ADAMTSL3: variants seen among roughly 807,000 people sequenced by gnomAD.
The protein encoded by ADAMTSL3 is ADAMTS-like protein 3.
A neutral mutation model predicts 201.7 loss-of-function variants in ADAMTSL3; 128 were observed. That is an observed-to-expected ratio of 0.63 (90% CI 0.55 to 0.73). The LOEUF is 0.73. ADAMTSL3 is among the 30% of genes least tolerant of loss of function. ADAMTSL3 has a pLI of 0.00. For synonymous variants in ADAMTSL3, 738 were observed against 748.4 expected, an observed-to-expected ratio of 0.99 and a Z score of 0.23; for missense variants, 1,990 against 2,119.6, an observed-to-expected ratio of 0.94 and a Z score of 1.20.
chr15:83,933,048 A>G (rs1157273660), intron 17 of ADAMTSL3, among the ~76,000 whole-genome samples: 5 of 152,244 alleles, frequency 3.3e-5, no homozygotes, highest in African/African-American at 9.6e-5. Flanking sequence ...GAAACTTTCT[A>G]TTTGGTCAAA....
chr15:83,850,523 T>C lies in ADAMTSL3; in HGVS notation c.728-8243T>C, dbSNP rs924377263. Among the ~76,000 whole-genome samples, 63 of 150,414 alleles carry C rather than the reference T, an allele frequency of 4.2e-4. 1 individual carries two copies. Among genetic ancestry groups the C allele is most frequent in the Admixed American group, 2.7e-3 (41 of 15,042 alleles). On this transcript the variant is annotated intron_variant, in intron 7 of 29. Transcript: ENST00000286744. ...TATAAAAATATTTTTAAATTATATA[T>C]ATATATAGAACACTCTTTTAATCAC...
At chr15:83,947,552 C>T (rs1385903392) in intron 19 of ADAMTSL3, among the ~76,000 whole-genome samples, 1 of 152,218 alleles carries the variant, frequency 6.6e-6, no homozygotes, top group Non-Finnish European at 1.5e-5. Context: ...CCCTTGTAGC[C>T]TGTTTTGTGT....
At chr15:83,818,040 A>C (rs551802408) in intron 5 of ADAMTSL3, among the ~76,000 whole-genome samples, 2 of 152,304 alleles carry the variant, frequency 1.3e-5, no homozygotes, top group African/African-American at 4.8e-5. Flanking sequence ...AAAACAATGA[A>C]GTTATATTTT....
chr15:83,795,275 A>G (rs1362325423), intron 4 of ADAMTSL3, among the ~76,000 whole-genome samples: 2 of 152,098 alleles, frequency 1.3e-5, no homozygotes, highest in African/African-American at 4.8e-5. Context: ...AACAACAACA[A>G]CAACAACAAC....
intron 9 of ADAMTSL3, among the ~76,000 whole-genome samples, chr15:83,880,598 C>T (rs1396654282): frequency 6.6e-6 from 1 of 152,174 alleles, no homozygotes; most frequent in Non-Finnish European, 1.5e-5. Context: ...TAAATTATTG[C>T]ATCTTTTATT....
At position 83,890,020 on chromosome 15, in the gene ADAMTSL3, GA is replaced by G. The variant is rs566486880; in HGVS notation, c.1073-79del. The G allele has an allele frequency of 4.2e-3, 5,333 of 1,268,674 alleles. 7 individuals carry two copies. The highest frequency in any genetic ancestry group is 0.018 in the African/African-American group (1,199 of 65,024). 78.6% of individuals were successfully genotyped at this position (1,268,674 alleles called of 1,614,324 possible). A position where few individuals can be genotyped will look rare whatever the true frequency, so the allele number is the denominator to read the frequency against. The stretch of plus-strand genomic sequence containing the variant: ...CCACTGAGTTAAGTTTCTTAAAGAG[GA>G]AAAAAAAAAGTGTGTGGCAAGTGAT... On this transcript the variant is annotated intron_variant, in intron 10 of 29. Coordinates refer to ENST00000286744, the MANE Select transcript of ADAMTSL3 (RefSeq NM_207517.3).
chr15:83,808,508 G>A (rs1172751018), intron 5 of ADAMTSL3, among the ~76,000 whole-genome samples: 1 of 152,170 alleles, frequency 6.6e-6, no homozygotes, highest in Non-Finnish European at 1.5e-5. Flanking sequence ...GGAGAAAAGG[G>A]AACCCTTATT....
chr15:83,862,557 A>G (rs1413089593), intron 8 of ADAMTSL3: 4 of 152,242 alleles, frequency 2.6e-5, no homozygotes, highest in Non-Finnish European at 4.4e-5. Context: ...TCCTTTACAG[A>G]TAAGCAAATG....
At position 84,014,668 on chromosome 15, in the gene ADAMTSL3, G is replaced by A. The variant is rs189778163; in HGVS notation, c.4100G>A (p.Cys1367Tyr). The A allele has an allele frequency of 6.2e-6, 10 of 1,610,748 alleles. No individual in the cohort carries two copies. In the East Asian group the frequency reaches 2.2e-4, roughly 36 times the overall value. The change falls in exon 24 of 30, where the codon TGC becomes TAC. Residue 1367 changes from cysteine to tyrosine, a missense_variant. By Grantham distance (194) the Cys-to-Tyr change is radical (BLOSUM62 -2). Coordinates refer to ENST00000286744, the MANE Select transcript of ADAMTSL3 (RefSeq NM_207517.3). ...VSLENEGTYV[C>Y]IATNALGKAV... ...CTTGAAAATGAAGGAACCTACGTCT[G>A]CATAGCCACCAATGCTCTTGGAAAG...
chr15:83,919,434 G>A (rs560001632), intron 16 of ADAMTSL3, among the ~76,000 whole-genome samples: 29 of 152,236 alleles, frequency 1.9e-4, no homozygotes, highest in African/African-American at 6.5e-4. Context: ...ATGCAGAGGC[G>A]GAGAGGTGAG....
chr15:83,996,835 C>T (rs2141849262), intron 23 of ADAMTSL3, among the ~76,000 whole-genome samples: 1 of 141,288 alleles, frequency 7.1e-6, no homozygotes, highest in East Asian at 2.1e-4. Flanking sequence ...AGGCAATTGT[C>T]AGAAAGTGAA....
chr15:83,873,588 A>C lies in ADAMTSL3; in HGVS notation c.960+2629A>C, dbSNP rs1247307555. ...GAGACAGAGTCTCACTATGTTACCC[A>C]GGCTGGCCTTGAACTCCTGGGCTCA... On this transcript the variant is annotated intron_variant, in intron 9 of 29. Coordinates refer to ENST00000286744, the MANE Select transcript of ADAMTSL3 (RefSeq NM_207517.3). Among the ~76,000 whole-genome samples the C allele has an allele frequency of 5.5e-5, 8 of 144,426 alleles. 2 individuals carry two copies. Among genetic ancestry groups the C allele is most frequent in the Non-Finnish European group, 1.2e-4 (8 of 66,568 alleles). The allele number at this position is 144,426 out of a possible 152,430, so 94.7% of individuals were successfully genotyped here. A position where few individuals can be genotyped will look rare whatever the true frequency, so the allele number is the denominator to read the frequency against.
At chr15:83,993,068 C>G (rs1164602522) in intron 23 of ADAMTSL3, among the ~76,000 whole-genome samples, 1 of 152,248 alleles carries the variant, frequency 6.6e-6, no homozygotes, top group Admixed American at 6.5e-5. Flanking sequence ...AAATGCACCA[C>G]AATCATTTTG....
chr15:84,034,821 G>C (rs913614565), intron 28 of ADAMTSL3, among the ~76,000 whole-genome samples: 12 of 152,136 alleles, frequency 7.9e-5, no homozygotes. Flanking sequence ...GAGCCAGACT[G>C]AATAGAAGTG....
At chr15:83,822,584 A>T (rs980786559) in intron 6 of ADAMTSL3, among the ~76,000 whole-genome samples, 6 of 144,518 alleles carry the variant, frequency 4.2e-5, no homozygotes, top group Non-Finnish European at 9.0e-5. Flanking sequence ...CGCTCCCCAC[A>T]TCTCAGACGA....
intron 3 of ADAMTSL3, among the ~76,000 whole-genome samples, chr15:83,715,272 C>T (rs2062001592): frequency 6.6e-6 from 1 of 152,154 alleles, no homozygotes; most frequent in Non-Finnish European, 1.5e-5. Flanking sequence ...ATTGCCTCTT[C>T]CAGGAAACCA....
intron 4 of ADAMTSL3, among the ~76,000 whole-genome samples, chr15:83,793,579 C>T (rs1334333476): frequency 2.0e-5 from 3 of 152,014 alleles, no homozygotes; most frequent in Admixed American, 6.6e-5. Context: ...CAGGTTCAAG[C>T]GATTCTCCTT....
intron 3 of ADAMTSL3, among the ~76,000 whole-genome samples, chr15:83,770,162 G>T (rs1378385342): frequency 6.6e-6 from 1 of 152,104 alleles, no homozygotes; most frequent in Non-Finnish European, 1.5e-5. Context: ...CCCTATGCAT[G>T]TACAAAGTAT....
At chr15:83,976,652 C>T (rs1341144868) in intron 20 of ADAMTSL3, among the ~76,000 whole-genome samples, 1 of 151,878 alleles carries the variant, frequency 6.6e-6, no homozygotes, top group African/African-American at 2.4e-5. Context: ...ACCTAGATCC[C>T]TCACGTGCAC....
Sources: gnomAD v4.1 joint callset for allele counts (sites outside exome capture counted in the v4.1 genomes callset) on GRCh38, gnomAD v4.1.1 for gene constraint, MANE v1.5 for transcripts, NCBI Gene and HGNC (gene_info 2026-07-23, HGNC 2026-07-21) for gene names.